Variants in SYT7 observed in about 807,000 individuals in gnomAD.
The protein encoded by SYT7 is synaptotagmin-7.
In SYT7, 29 loss-of-function variants were observed where a neutral mutation model predicts 75.1. The observed-to-expected ratio is 0.39, with a 90% CI of 0.29 to 0.53. The LOEUF (loss-of-function observed/expected upper bound fraction) is 0.53, where lower values mean the gene tolerates loss of function less well. SYT7 is among the 20% of genes least tolerant of loss of function. The pLI is 0.77. For missense variants in SYT7, 693 were observed against 953.2 expected, an observed-to-expected ratio of 0.73 and a Z score of 3.59; for synonymous variants, 376 against 401.7, an observed-to-expected ratio of 0.94 and a Z score of 0.76.
chr11:61,529,638 GTTTT>G (rs1235506621), intron 8 of SYT7, among the ~76,000 whole-genome samples: 1 of 152,154 alleles, frequency 6.6e-6, no homozygotes, highest in Non-Finnish European at 1.5e-5. Flanking sequence ...CCTCATGATA[GTTTT>G]TTGTTTTTTT....
At chr11:61,567,987 G>A (rs964151707) in intron 1 of SYT7, among the ~76,000 whole-genome samples, 1 of 152,264 alleles carries the variant, frequency 6.6e-6, no homozygotes, top group Admixed American at 6.5e-5. Flanking sequence ...CTCCTCCAAG[G>A]TGGGTGGGGA....
chr11:61,549,415 C>G (rs975433850), intron 3 of SYT7, among the ~76,000 whole-genome samples: 2 of 152,212 alleles, frequency 1.3e-5, no homozygotes, highest in South Asian at 2.1e-4. Flanking sequence ...CTTAGTTGGC[C>G]GTGAGACCCT....
intron 1 of SYT7, among the ~76,000 whole-genome samples, chr11:61,567,311 G>A (rs1293238824): frequency 6.6e-6 from 1 of 151,704 alleles, no homozygotes; most frequent in Admixed American, 6.5e-5. Context: ...CATTTACACG[G>A]CAAATATTAG....
Position 61,538,348 on chromosome 11 carries a change from A to AGAGAGG in SYT7, c.942-83_942-82insCCTCTC, listed in dbSNP as rs1555006888. On this transcript the variant is annotated intron_variant, in intron 6 of 12. Transcript: ENST00000539008. ...GGGCAGGGGGGAAGGAGAGAGAGGG[A>AGAGAGG]GAGAGAGAGAGAGAGAGAGAGAGAG... 392 of 436,530 alleles carry AGAGAGG rather than the reference A, an allele frequency of 9.0e-4. No individual in the cohort carries two copies. In the African/African-American group the frequency reaches 0.012, roughly 13 times the overall value. The allele number at this position is 436,530 out of a possible 1,614,324, so 27.0% of individuals were successfully genotyped here. A position where few individuals can be genotyped will look rare whatever the true frequency, so the allele number is the denominator to read the frequency against.
Position 61,580,993 on chromosome 11 carries a change from C to A in SYT7, c.-173G>T. ...CCGGGGAGCGGGGGCCGCCCGCCAG[C>A]CCTCCCGCCCGCCCGCGGAGCACGC... On this transcript the variant is annotated 5_prime_UTR_variant, in exon 1 of 13. Transcript: ENST00000539008. The surrounding 1 kb of genome is among the most constrained non-coding windows in gnomAD (Gnocchi z 6.1). 2 of 844,174 alleles carry A rather than the reference C, an allele frequency of 2.4e-6. No homozygotes were observed. The highest frequency in any genetic ancestry group is 2.8e-6 in the Non-Finnish European group (2 of 703,828). 52.3% of individuals were successfully genotyped at this position (844,174 alleles called of 1,614,324 possible).
In SYT7 at chr11:61,580,894, T is replaced by C; in HGVS notation, c.-74A>G. On this transcript the variant is annotated 5_prime_UTR_variant, in exon 1 of 13. Transcript: ENST00000539008. This position sits in a 1 kb window ranked among gnomAD's most constrained non-coding sequence, Gnocchi z 6.1. ...CCGCGCGCTGCTCCGCCGCCGCCGC[T>C]GGGCATGGGGCCGGGCGACCCCCGG... The C allele has an allele frequency of 8.9e-7, 1 of 1,119,294 alleles. No individual in the cohort carries two copies. Among genetic ancestry groups the C allele is most frequent in the Non-Finnish European group, 1.1e-6 (1 of 917,762 alleles). 69.3% of individuals were successfully genotyped at this position (1,119,294 alleles called of 1,614,324 possible). A position where few individuals can be genotyped will look rare whatever the true frequency, so the allele number is the denominator to read the frequency against.
intron 1 of SYT7, among the ~76,000 whole-genome samples, chr11:61,572,847 AG>A (rs199969848): frequency 0.018 from 2,741 of 152,276 alleles, 57 homozygotes; most frequent in Non-Finnish European, 0.024. Context: ...TTTCCAACTA[AG>A]GTGGGTAGTC....
chr11:61,555,790 CGT>C (rs932600185), intron 2 of SYT7, among the ~76,000 whole-genome samples: 1 of 150,826 alleles, frequency 6.6e-6, no homozygotes, highest in African/African-American at 2.5e-5. Context: ...TGTGTGTGCG[CGT>C]GTGTGTAGCT....
intron 1 of SYT7, among the ~76,000 whole-genome samples, chr11:61,556,458 C>T (rs980807177): frequency 6.6e-6 from 1 of 152,204 alleles, no homozygotes; most frequent in Non-Finnish European, 1.5e-5. Context: ...TCTCCCTGCA[C>T]GGACCCTGTG....
intron 9 of SYT7, among the ~76,000 whole-genome samples, chr11:61,525,016 A>G (rs2062468719): frequency 6.6e-6 from 1 of 152,188 alleles, no homozygotes; most frequent in Non-Finnish European, 1.5e-5. Context: ...AGGCAAAGGC[A>G]CAGAAGCAGG....
rs576342702 is a variant in SYT7, at chr11:61,516,997, G to T, written c.*1630C>A. 8.4e-6 allele frequency: 3 copies of T among 357,230 alleles called. No homozygotes were observed. The highest frequency in any genetic ancestry group is 4.7e-5 in the Admixed American group (1 of 21,390). 22.1% of individuals were successfully genotyped at this position (357,230 alleles called of 1,614,324 possible). ...CCAATGGTCTCCCCACGCCCTGGAT[G>T]TGGGGACCCTATCCAGAGTCCCCTT... On this transcript the variant is annotated 3_prime_UTR_variant, in exon 13 of 13. Coordinates refer to ENST00000539008, the MANE Select transcript of SYT7 (RefSeq NM_001365809.2). The surrounding 1 kb of genome is among the most constrained non-coding windows in gnomAD (Gnocchi z 4.6).
intron 3 of SYT7, among the ~76,000 whole-genome samples, chr11:61,549,832 A>C (rs188895027): frequency 1.3e-5 from 2 of 152,218 alleles, no homozygotes; most frequent in African/African-American, 4.8e-5. Flanking sequence ...CCAGCCTGGC[A>C]CAGCCTGCTG....
chr11:61,579,219 G>A (rs1288440387), intron 1 of SYT7, among the ~76,000 whole-genome samples: 1 of 152,244 alleles, frequency 6.6e-6, no homozygotes, highest in Non-Finnish European at 1.5e-5. Flanking sequence ...CCCCAGAGCT[G>A]GCTTCTGAAC....
Position 61,542,522 on chromosome 11 carries a change from C to T in SYT7, c.630G>A (p.Thr210=), listed in dbSNP as rs999863149. ...GGGGTCGCTGGCATTTCGGCTCTCC[C>T]GTGGAGCTGGGGATAGACTCAAGGG... is the stretch of plus-strand genomic sequence containing the variant. ...ATTLESIPSS[T]GEPKCQRPRT... Residue 210 remains threonine, a synonymous_variant, in exon 6 of 13, where the codon ACG becomes ACA. Transcript: ENST00000539008. The surrounding 1 kb of genome is among the most constrained non-coding windows in gnomAD (Gnocchi z 7.8). 7 of 1,531,052 alleles carry T rather than the reference C, an allele frequency of 4.6e-6. No homozygotes were observed. The highest frequency in any genetic ancestry group is 4.1e-5 in the African/African-American group (3 of 72,702). The allele number at this position is 1,531,052 out of a possible 1,614,324, so 94.8% of individuals were successfully genotyped here. A position where few individuals can be genotyped will look rare whatever the true frequency, so the allele number is the denominator to read the frequency against.
At chr11:61,584,356 C>T (rs1002369182), upstream of SYT7, among the ~76,000 whole-genome samples, 8 of 145,156 alleles carry the variant, frequency 5.5e-5, no homozygotes, top group Admixed American at 2.1e-4. Context: ...GATTGTGCCA[C>T]TGCACTCCAG....
At chr11:61,522,376 G>T (rs2062369144) in intron 12 of SYT7, among the ~76,000 whole-genome samples, 1 of 152,004 alleles carries the variant, frequency 6.6e-6, no homozygotes, top group African/African-American at 2.4e-5. Flanking sequence ...TTTTAGTAGA[G>T]ACGGGGTTTC....
chr11:61,556,765 T>A (rs142556410), intron 1 of SYT7, among the ~76,000 whole-genome samples: 1 of 152,222 alleles, frequency 6.6e-6, no homozygotes, highest in Non-Finnish European at 1.5e-5. Flanking sequence ...TCACCAGCCA[T>A]ATGTGTAGTC....
chr11:61,567,342 C>CT (rs2063797267), intron 1 of SYT7, among the ~76,000 whole-genome samples: 1 of 141,644 alleles, frequency 7.1e-6, no homozygotes, highest in African/African-American at 3.2e-5. Flanking sequence ...TTGAGCGCCC[C>CT]GCCCCCCAGA....
intron 3 of SYT7, among the ~76,000 whole-genome samples, chr11:61,548,738 A>T (rs963075209): frequency 2.0e-5 from 3 of 152,136 alleles, no homozygotes; most frequent in African/African-American, 7.2e-5. Flanking sequence ...TTAGAATTTG[A>T]CCTTGACCTT....
Sources: allele counts gnomAD v4.1 joint callset (sites outside exome capture counted in the v4.1 genomes callset), GRCh38; gene constraint gnomAD v4.1.1; non-coding constraint Gnocchi (gnomAD v3.1); transcripts MANE v1.5; gene names NCBI Gene and HGNC (gene_info 2026-07-23, HGNC 2026-07-21).